Variants in SORL1 observed in about 807,000 individuals in gnomAD.
The protein encoded by SORL1 is sortilin-related receptor.
SORL1 carries 127 observed loss-of-function variants against 273.7 expected under a neutral mutation model. That is an observed-to-expected ratio of 0.46 (90% CI 0.40 to 0.54). The LOEUF is 0.54. Ranked by LOEUF, SORL1 falls within the 20% of genes least tolerant of loss-of-function variation. SORL1 has a pLI of 0.00. For synonymous variants in SORL1, 1,031 were observed against 1,067.4 expected, an observed-to-expected ratio of 0.97 and a Z score of 0.66; for missense variants, 2,494 against 2,846.1, an observed-to-expected ratio of 0.88 and a Z score of 2.81.
At chr11:121,581,204 C>T (rs890629002) in intron 25 of SORL1, among the ~76,000 whole-genome samples, 1 of 152,202 alleles carries the variant, frequency 6.6e-6, no homozygotes, top group Non-Finnish European at 1.5e-5. Flanking sequence ...TGAGCTACCA[C>T]GCCTCATGCG....
chr11:121,548,248 A>G (rs1218835988), intron 14 of SORL1, among the ~76,000 whole-genome samples: 1 of 152,226 alleles, frequency 6.6e-6, no homozygotes. Flanking sequence ...TGGGCCTCCC[A>G]AGTACTCTCA....
Position 121,559,605 on chromosome 11 carries a change from CCAG to C in SORL1, c.2999_3001del (p.Gln1000del). ...GGTCCCAGATGGAGATTCTGGCAAA[CCAG>C]CTCACGGGGCTCATGGACATGAAGA... On this transcript the variant is annotated inframe_deletion, in exon 21 of 48. Transcript: ENST00000260197. 6.2e-7 allele frequency: 1 copy of C among 1,614,136 alleles called. No individual in the cohort carries two copies. The highest frequency in any genetic ancestry group is 8.5e-7 in the Non-Finnish European group (1 of 1,179,996).
At chr11:121,612,648 G>T in intron 39 of SORL1, 88 bp from the exon 40 acceptor site, 1 of 959,958 alleles carries the variant, frequency 1.0e-6, no homozygotes, top group Non-Finnish European at 1.6e-6. Flanking sequence ...GAAAGAACAG[G>T]AAAGAGGTGT....
At position 121,570,239 on chromosome 11, in the gene SORL1, C is replaced by T. The variant is rs748245467; in HGVS notation, c.3306C>T (p.Asp1102=). Residue 1102 remains aspartate, a synonymous_variant, in exon 23 of 48, where the codon GAC becomes GAT. Coordinates refer to ENST00000260197, the MANE Select transcript of SORL1 (RefSeq NM_003105.6). ...NSIWWCDFDN[D]CGDMSDERNC... ...TTTGGTGGTGTGACTTTGACAACGACTGTGGAGACATGAGCGATGAGAGAA... is the reference window on the plus strand; with the variant it reads ...TTTGGTGGTGTGACTTTGACAACGATTGTGGAGACATGAGCGATGAGAGAA... 1.9e-6 allele frequency: 3 copies of T among 1,613,804 alleles called. No individual in the cohort carries two copies. The Admixed American group carries it at 5.0e-5, about 27-fold the overall frequency.
At chr11:121,568,472 G>A (rs11218346) in intron 22 of SORL1, among the ~76,000 whole-genome samples, 11,996 of 152,176 alleles carry the variant, frequency 0.079, 488 homozygotes, top group African/African-American at 0.097. Context: ...ACCAATCATC[G>A]CATGTCCTTG....
At chr11:121,501,327 A>C (rs183767247) in intron 6 of SORL1, among the ~76,000 whole-genome samples, 2 of 152,188 alleles carry the variant, frequency 1.3e-5, no homozygotes, top group Admixed American at 6.5e-5. Flanking sequence ...CCTAATTCCA[A>C]ATATTTTTAT....
chr11:121,528,854 A>T (rs181054425), intron 11 of SORL1, among the ~76,000 whole-genome samples: 140 of 152,282 alleles, frequency 9.2e-4, no homozygotes, highest in Non-Finnish European at 1.0e-3. Context: ...TGTTTGAGGT[A>T]GTGTTCTGTA....
chr11:121,562,599 A>G (rs1862694197), intron 21 of SORL1, among the ~76,000 whole-genome samples: 1 of 152,144 alleles, frequency 6.6e-6, no homozygotes, highest in Non-Finnish European at 1.5e-5. Flanking sequence ...CGGCTGGGTT[A>G]TCAGGGTGTC....
In SORL1 at chr11:121,455,631, AT is replaced by A. The variant is rs370472753; in HGVS notation, c.285+3017del. Among the ~76,000 whole-genome samples, 39 of 152,332 alleles carry A rather than the reference AT, an allele frequency of 2.6e-4. No homozygotes were observed. In the East Asian group the frequency reaches 7.1e-3, roughly 28 times the overall value. ...GGTGGGGAGACCGGCTTCTGCCATG[AT>A]TACTTAAAGGCACATTTATGATACT... On this transcript the variant is annotated intron_variant, in intron 1 of 47. Coordinates refer to ENST00000260197, the MANE Select transcript of SORL1 (RefSeq NM_003105.6).
rs992093726 is a variant in SORL1 at position 121,554,752 on chromosome 11, G to C, written c.2440-435G>C. The stretch of plus-strand genomic sequence containing the variant: ...GGGGATGGCGGTGATGCTGAATGGA[G>C]CTGTCCAACAATAGCACTTGATGGC... On this transcript the variant is annotated intron_variant, in intron 17 of 47. Coordinates refer to ENST00000260197, the MANE Select transcript of SORL1 (RefSeq NM_003105.6). The surrounding 1 kb of genome is among the most constrained non-coding windows in gnomAD (Gnocchi z 4.6). 1.3e-5 allele frequency among the ~76,000 whole-genome samples: 2 copies of C among 152,302 alleles called. No individual in the cohort carries two copies. The highest frequency in any genetic ancestry group is 4.8e-5 in the African/African-American group (2 of 41,574).
intron 7 of SORL1, among the ~76,000 whole-genome samples, chr11:121,513,735 A>G (rs550385165): frequency 5.3e-5 from 8 of 152,330 alleles, no homozygotes; most frequent in African/African-American, 1.9e-4. Flanking sequence ...CATACGGAGA[A>G]CAGTCATGCC....
chr11:121,625,654 A>T (rs1290810764), intron 46 of SORL1, among the ~76,000 whole-genome samples: 1 of 152,002 alleles, frequency 6.6e-6, no homozygotes, highest in Non-Finnish European at 1.5e-5. Context: ...CTTGTCATGG[A>T]TTTTACATGT....
intron 28 of SORL1, 41 bp downstream of exon 28, chr11:121,588,192 A>T: frequency 1.2e-6 from 2 of 1,608,090 alleles, no homozygotes; most frequent in South Asian, 2.2e-5. Flanking sequence ...ACGGTCACTA[A>T]AGAACTTGCA....
At chr11:121,543,860 GC>G (rs138685518) in intron 13 of SORL1, 134 bp downstream of exon 13, 2 of 742,318 alleles carry the variant, frequency 2.7e-6, no homozygotes, top group East Asian at 5.5e-5. Context: ...ATAAGAGTTA[GC>G]AAAAAGCATA....
At chr11:121,472,086 G>A (rs1861178753) in intron 2 of SORL1, among the ~76,000 whole-genome samples, 3 of 152,128 alleles carry the variant, frequency 2.0e-5, no homozygotes, top group Admixed American at 6.5e-5. Context: ...TCAAGGCTGC[G>A]GTGACCTATC....
chr11:121,565,834 G>T (rs1196551960), intron 21 of SORL1, among the ~76,000 whole-genome samples: 1 of 152,210 alleles, frequency 6.6e-6, no homozygotes, highest in African/African-American at 2.4e-5. Flanking sequence ...TCCTTCTCAA[G>T]AGTGCAGTGG....
intron 16 of SORL1, among the ~76,000 whole-genome samples, chr11:121,553,562 C>T (rs987129530): frequency 2.0e-5 from 3 of 152,270 alleles, no homozygotes; most frequent in Middle Eastern, 3.4e-3. Context: ...TGTGGTGATA[C>T]AGTCACGTGA....
intron 1 of SORL1, among the ~76,000 whole-genome samples, chr11:121,468,257 T>C (rs1861116036): frequency 1.3e-5 from 2 of 152,098 alleles, no homozygotes; most frequent in Admixed American, 6.6e-5. Flanking sequence ...GGGTGGACTG[T>C]GCGGGCTGGA....
At chr11:121,587,838 A>G (rs1863141179) in intron 27 of SORL1, among the ~76,000 whole-genome samples, 182 bp from the exon 28 acceptor site, 1 of 152,220 alleles carries the variant, frequency 6.6e-6, no homozygotes, top group African/African-American at 2.4e-5. Context: ...TGAGGGTTTA[A>G]TGATGCACTT....
Sources: gnomAD v4.1 joint callset for allele counts (sites outside exome capture counted in the v4.1 genomes callset) on GRCh38, gnomAD v4.1.1 for gene constraint, Gnocchi (gnomAD v3.1) non-coding constraint, MANE v1.5 for transcripts, NCBI Gene and HGNC (gene_info 2026-07-23, HGNC 2026-07-21) for gene names.